APOO: variants seen among roughly 807,000 people sequenced by gnomAD.
APOO encodes the protein MICOS complex subunit MIC26.
Under a neutral mutation model 23.1 loss-of-function variants are expected in APOO, and 11 were observed. The ratio of observed to expected loss-of-function variants is 0.48; its 90% CI spans 0.30 to 0.79. APOO has a LOEUF of 0.79. APOO is among the 30% of genes least tolerant of loss of function. APOO has a pLI of 0.07. For missense variants in APOO, 160 were observed against 142.7 expected (o/e 1.12, Z -0.62); for synonymous variants, 59 against 54.8 (o/e 1.08, Z -0.34).
chrX:23,907,917 C>G lies in APOO; in HGVS notation c.-215G>C. 5.2e-6 allele frequency: 2 copies of G among 385,143 alleles called. No individual in the cohort carries two copies. Among genetic ancestry groups the G allele is most frequent in the East Asian group, 4.7e-5 (1 of 21,360 alleles). The allele number at this position is 385,143 out of a possible 1,213,427, so 31.7% of individuals were successfully genotyped here. On this transcript the variant is annotated 5_prime_UTR_variant, in exon 1 of 9. Transcript: ENST00000379226. ...TCGCTGAGCCGCAGCGCGTCGCGCC[C>G]GGGCAGCGGGTGAACGCAAACCCCG... is the stretch of plus-strand genomic sequence containing the variant.
chrX:23,888,879 G>A (rs1388540480), intron 1 of APOO, among the ~76,000 whole-genome samples: 1 of 101,613 alleles, frequency 9.8e-6, no homozygotes, highest in African/African-American at 3.6e-5. Context: ...AAAGATTCAG[G>A]CATAAGATTG....
intron 5 of APOO, among the ~76,000 whole-genome samples, chrX:23,868,356 A>G (rs1283309660): frequency 8.9e-6 from 1 of 112,390 alleles, no homozygotes; most frequent in African/African-American, 3.2e-5. Flanking sequence ...AAAGAACAAC[A>G]GAGATTTGAT....
intron 7 of APOO, among the ~76,000 whole-genome samples, chrX:23,841,349 TTCACTC>T (rs1361247527): frequency 9.1e-6 from 1 of 109,891 alleles, no homozygotes; most frequent in Non-Finnish European, 1.9e-5. Context: ...AGTGTCCCCT[TTCACTC>T]TCAAGAGTAT....
intron 1 of APOO, among the ~76,000 whole-genome samples, chrX:23,884,519 T>A (rs1210834442): frequency 2.7e-5 from 3 of 112,127 alleles, no homozygotes; most frequent in Non-Finnish European, 3.8e-5. Context: ...TATGTGTACA[T>A]TGTGGAATGG....
intron 1 of APOO, among the ~76,000 whole-genome samples, chrX:23,907,455 A>G (rs762671955): frequency 1.8e-5 from 2 of 112,473 alleles, no homozygotes; most frequent in Admixed American, 1.9e-4. Flanking sequence ...TTAATTCACG[A>G]AAGCACAACC....
chrX:23,835,348 C>T (rs144054972), intron 8 of APOO, among the ~76,000 whole-genome samples: 1,636 of 111,806 alleles, frequency 0.015, 25 homozygotes, highest in African/African-American at 0.049. Context: ...CAGGTATGAG[C>T]CACCGTGCCC....
At chrX:23,864,950 C>T (rs1324745455) in intron 5 of APOO, among the ~76,000 whole-genome samples, 1 of 110,943 alleles carries the variant, frequency 9.0e-6, no homozygotes, top group East Asian at 2.8e-4. Flanking sequence ...GAAGTGGCAG[C>T]TCTCGGGCCT....
At position 23,851,043 on chromosome X, in the gene APOO, A is replaced by C. The variant is rs754372401; in HGVS notation, c.561+5259T>G. ...ATAAAGGCAAAAACAGGCAGGCTCA[A>C]CAATAGTATTTCAGAATACAGACAT... On this transcript the variant is annotated intron_variant, in intron 7 of 8. Coordinates refer to ENST00000379226, the MANE Select transcript of APOO (RefSeq NM_024122.5). Among the ~76,000 whole-genome samples the C allele has an allele frequency of 2.7e-5, 3 of 111,416 alleles. No homozygotes were observed. In the South Asian group the frequency reaches 1.1e-3, roughly 41 times the overall value.
intron 1 of APOO, among the ~76,000 whole-genome samples, chrX:23,894,623 T>A (rs1226924327): frequency 9.1e-6 from 1 of 109,951 alleles, no homozygotes; most frequent in African/African-American, 3.3e-5. Flanking sequence ...GGTGAAACTC[T>A]GTTTCTACTA....
chrX:23,872,521 TTATA>T (rs773219545), intron 4 of APOO, among the ~76,000 whole-genome samples: 1,595 of 93,224 alleles, frequency 0.017, 33 homozygotes, highest in African/African-American at 0.058. Context: ...TTATGAGAAT[TTATA>T]TATATATATA....
intron 1 of APOO, among the ~76,000 whole-genome samples, chrX:23,893,447 A>AAATAAATT (rs1926762940): frequency 9.0e-6 from 1 of 111,052 alleles, no homozygotes; most frequent in Non-Finnish European, 1.9e-5. Flanking sequence ...ATAAATAAAT[A>AAATAAATT]AAAATAAAAA....
intron 2 of APOO, among the ~76,000 whole-genome samples, 193 bp downstream of exon 2, chrX:23,880,652 C>T (rs1014121643): frequency 9.1e-6 from 1 of 109,927 alleles, no homozygotes; most frequent in African/African-American, 3.3e-5. Flanking sequence ...GAGCCGAGAT[C>T]GCACCATTGC....
chrX:23,869,640 GAAAAAAAAAAA>G (rs761388017), intron 4 of APOO, among the ~76,000 whole-genome samples: 2 of 33,932 alleles, frequency 5.9e-5, no homozygotes, highest in Non-Finnish European at 1.0e-4. Flanking sequence ...CTCTTAAAAA[GAAAAAAAAAAA>G]AAAAAAAAAA....
intron 4 of APOO, among the ~76,000 whole-genome samples, chrX:23,870,653 T>C (rs1006190561): frequency 9.4e-6 from 1 of 106,721 alleles, no homozygotes; most frequent in Non-Finnish European, 1.9e-5. Flanking sequence ...TAGCCAGGTG[T>C]GGTGATGCAT....
At chrX:23,875,097 A>C (rs1377616016) in intron 3 of APOO, among the ~76,000 whole-genome samples, 1 of 108,132 alleles carries the variant, frequency 9.2e-6, no homozygotes, top group African/African-American at 3.3e-5. Flanking sequence ...TAAAAATACA[A>C]AAATTAGCCG....
At chrX:23,877,315 G>A (rs1233520776) in intron 3 of APOO, among the ~76,000 whole-genome samples, 2 of 111,776 alleles carry the variant, frequency 1.8e-5, no homozygotes, top group African/African-American at 6.5e-5. Flanking sequence ...AAGTCTTTAG[G>A]TATTACTTAA....
At chrX:23,858,032 C>G (rs916618552) in intron 6 of APOO, among the ~76,000 whole-genome samples, 4 of 111,547 alleles carry the variant, frequency 3.6e-5, no homozygotes, top group African/African-American at 1.3e-4. Context: ...TGCTTCTGGT[C>G]TGGTAACACA....
At chrX:23,898,291 C>T (rs1926990141) in intron 1 of APOO, among the ~76,000 whole-genome samples, 3 of 108,973 alleles carry the variant, frequency 2.8e-5, no homozygotes, top group East Asian at 5.8e-4. Context: ...TAGAGACGGG[C>T]GGGGTTTCGC....
intron 1 of APOO, among the ~76,000 whole-genome samples, chrX:23,884,915 G>A (rs1022288209): frequency 5.4e-5 from 6 of 111,512 alleles, no homozygotes; most frequent in African/African-American, 1.6e-4. Flanking sequence ...TCCAGAGACC[G>A]ACAGACAGCT....
Sources: gnomAD v4.1 joint callset for allele counts (sites outside exome capture counted in the v4.1 genomes callset) on GRCh38, gnomAD v4.1.1 for gene constraint, MANE v1.5 for transcripts, NCBI Gene and HGNC (gene_info 2026-07-23, HGNC 2026-07-21) for gene names.